Variants in CDH13 observed in about 807,000 individuals in gnomAD.
CDH13 encodes the protein cadherin 13.
A neutral mutation model predicts 63.8 loss-of-function variants in CDH13; 24 were observed. That is an observed-to-expected ratio of 0.38 (90% CI 0.27 to 0.53). The LOEUF (loss-of-function observed/expected upper bound fraction) is 0.53. Among genes scored for constraint, CDH13 ranks in the 20% least tolerant of loss-of-function variants. The pLI is 0.85. For synonymous variants in CDH13, 503 were observed against 355.3 expected, an observed-to-expected ratio of 1.42 and a Z score of -4.67; for missense variants, 1,049 against 903.1, an observed-to-expected ratio of 1.16 and a Z score of -2.07.
intron 1 of CDH13, among the ~76,000 whole-genome samples, chr16:82,742,238 A>G (rs2033964375): frequency 6.6e-6 from 1 of 152,282 alleles, no homozygotes; most frequent in Admixed American, 6.5e-5. Context: ...CAAAAACTGA[A>G]TTTGAAAGAA....
chr16:83,611,162 C>T (rs374372756), intron 8 of CDH13, among the ~76,000 whole-genome samples: 45 of 152,042 alleles, frequency 3.0e-4, no homozygotes, highest in African/African-American at 9.4e-4. Context: ...CTCTTATCGA[C>T]GTGTTTATCT....
intron 4 of CDH13, among the ~76,000 whole-genome samples, chr16:83,193,550 G>A (rs2038789115): frequency 6.6e-6 from 1 of 152,200 alleles, no homozygotes; most frequent in African/African-American, 2.4e-5. Flanking sequence ...TGCAGTGGAA[G>A]CCTGTGTGGT....
chr16:83,737,964 G>A (rs1211766265), intron 10 of CDH13, among the ~76,000 whole-genome samples: 5 of 152,326 alleles, frequency 3.3e-5, no homozygotes, highest in East Asian at 1.9e-4. Context: ...CCAGGTTGAT[G>A]AGGCAATGGC....
At chr16:83,341,989 CCACACA>C (rs756844839) in intron 5 of CDH13, among the ~76,000 whole-genome samples, 1,502 of 138,126 alleles carry the variant, frequency 0.011, 31 homozygotes, top group African/African-American at 0.033. Context: ...GTGTCCCCTG[CCACACA>C]CACACACACA....
chr16:83,530,126 G>A (rs911104400), intron 7 of CDH13, among the ~76,000 whole-genome samples: 1 of 152,178 alleles, frequency 6.6e-6, no homozygotes, highest in Non-Finnish European at 1.5e-5. Context: ...GCTGGCCCTT[G>A]AAGAGGTTCA....
intron 9 of CDH13, among the ~76,000 whole-genome samples, chr16:83,672,177 C>A (rs1567504111): frequency 6.6e-6 from 1 of 152,156 alleles, no homozygotes; most frequent in Admixed American, 6.5e-5. Flanking sequence ...TTAATGTAAC[C>A]TCCCTCTTAG....
chr16:83,352,150 T>C (rs1038467397), intron 6 of CDH13, among the ~76,000 whole-genome samples: 2 of 152,188 alleles, frequency 1.3e-5, no homozygotes, highest in African/African-American at 4.8e-5. Flanking sequence ...ACTTGAGTTA[T>C]GGTACAATTC....
chr16:83,476,052 C>G (rs1220645648), intron 6 of CDH13, among the ~76,000 whole-genome samples: 1 of 152,162 alleles, frequency 6.6e-6, no homozygotes, highest in African/African-American at 2.4e-5. Flanking sequence ...TTTATATTAC[C>G]TTAAGCTGTA....
chr16:83,382,091 G>A (rs964854288), intron 6 of CDH13, among the ~76,000 whole-genome samples: 4 of 152,142 alleles, frequency 2.6e-5, no homozygotes, highest in Non-Finnish European at 5.9e-5. Flanking sequence ...GCTACTTATT[G>A]TGTGGTTGTG....
At chr16:83,041,467 T>G (rs1423111030) in intron 3 of CDH13, among the ~76,000 whole-genome samples, 1 of 152,190 alleles carries the variant, frequency 6.6e-6, no homozygotes, top group African/African-American at 2.4e-5. Flanking sequence ...TGTTTTTAAT[T>G]TTTTTAATAA....
chr16:83,292,696 A>G (rs2089493524), intron 5 of CDH13, among the ~76,000 whole-genome samples: 1 of 152,206 alleles, frequency 6.6e-6, no homozygotes, highest in Non-Finnish European at 1.5e-5. Context: ...TGGGAATCTC[A>G]TTAAAAACAA....
chr16:83,178,018 A>G (rs763243570), intron 4 of CDH13, among the ~76,000 whole-genome samples: 1 of 152,160 alleles, frequency 6.6e-6, no homozygotes, highest in Non-Finnish European at 1.5e-5. Context: ...TAAAGGAGCT[A>G]CGGGAAACCC....
At chr16:83,473,245 C>T (rs914022220) in intron 6 of CDH13, among the ~76,000 whole-genome samples, 1 of 152,144 alleles carries the variant, frequency 6.6e-6, no homozygotes, top group Admixed American at 6.6e-5. Flanking sequence ...CACAGGCAGC[C>T]GACTTCCCAG....
intron 2 of CDH13, among the ~76,000 whole-genome samples, chr16:82,990,627 G>A (rs1223690119): frequency 4.7e-5 from 7 of 149,262 alleles, no homozygotes; most frequent in African/African-American, 7.4e-5. Context: ...GCTCACTGCC[G>A]CCTTGAACTC....
chr16:83,212,212 G>C (rs1199618260), intron 4 of CDH13, among the ~76,000 whole-genome samples: 2 of 152,144 alleles, frequency 1.3e-5, no homozygotes, highest in Non-Finnish European at 2.9e-5. Context: ...GAGTGGTTTT[G>C]AAGCATGGCT....
intron 1 of CDH13, among the ~76,000 whole-genome samples, chr16:82,842,454 TAA>T (rs954265865): frequency 1.3e-5 from 2 of 151,990 alleles, no homozygotes; most frequent in African/African-American, 4.8e-5. Flanking sequence ...GTTTAAAATA[TAA>T]GAGTGCACAG....
At chr16:83,053,518 A>G (rs1488022953) in intron 3 of CDH13, among the ~76,000 whole-genome samples, 2 of 152,212 alleles carry the variant, frequency 1.3e-5, no homozygotes, top group Non-Finnish European at 2.9e-5. Context: ...AAATTGATAA[A>G]CACACCAATT....
chr16:83,421,236 G>C (rs186517782), intron 6 of CDH13, among the ~76,000 whole-genome samples: 9 of 152,262 alleles, frequency 5.9e-5, no homozygotes, highest in African/African-American at 9.6e-5. Flanking sequence ...GTGAGGTGAA[G>C]AGAAGAATAA....
At chr16:82,863,634 A>T (rs578231254) in intron 2 of CDH13, among the ~76,000 whole-genome samples, 3 of 152,190 alleles carry the variant, frequency 2.0e-5, no homozygotes, top group Non-Finnish European at 2.9e-5. Flanking sequence ...AGTCACAAAT[A>T]AATGGAAGCT....
Sources: allele counts gnomAD v4.1 joint callset (sites outside exome capture counted in the v4.1 genomes callset), GRCh38; gene constraint gnomAD v4.1.1; transcripts MANE v1.5; gene names NCBI Gene and HGNC (gene_info 2026-07-23, HGNC 2026-07-21).